NEGR1: variants seen among roughly 807,000 people sequenced by gnomAD.
The protein encoded by NEGR1 is IgLON family member 4.
A neutral mutation model predicts 40.9 loss-of-function variants in NEGR1; 10 were observed. That is an observed-to-expected ratio of 0.24 (90% CI 0.15 to 0.42). The LOEUF (loss-of-function observed/expected upper bound fraction) is 0.42. Among genes scored for constraint, NEGR1 ranks in the 10% least tolerant of loss-of-function variants. The pLI is 1.00. For missense variants in NEGR1, 352 were observed against 438.9 expected, an observed-to-expected ratio of 0.80 and a Z score of 1.77; for synonymous variants, 185 against 166.8, an observed-to-expected ratio of 1.11 and a Z score of -0.84.
chr1:71,654,879 C>A (rs1351383055), intron 4 of NEGR1, among the ~76,000 whole-genome samples: 4 of 151,928 alleles, frequency 2.6e-5, no homozygotes, highest in Non-Finnish European at 1.5e-5. Flanking sequence ...AATATTTTCC[C>A]ACTGAGAAAA....
At chr1:72,214,613 T>C (rs772712457) in intron 1 of NEGR1, among the ~76,000 whole-genome samples, 24 of 151,980 alleles carry the variant, frequency 1.6e-4, no homozygotes, top group Non-Finnish European at 2.1e-4. Flanking sequence ...CCATTCACAA[T>C]TGCTACAAAG....
At chr1:71,460,120 G>A (rs1192744053) in intron 6 of NEGR1, among the ~76,000 whole-genome samples, 2 of 152,146 alleles carry the variant, frequency 1.3e-5, no homozygotes, top group Non-Finnish European at 2.9e-5. Context: ...GATAACTAAT[G>A]TTAGTTGAAT....
intron 1 of NEGR1, among the ~76,000 whole-genome samples, chr1:72,017,934 T>C (rs1009363842): frequency 1.3e-5 from 2 of 152,142 alleles, no homozygotes; most frequent in Non-Finnish European, 2.9e-5. Flanking sequence ...TCCAAAATTA[T>C]ACTCATCTAG....
chr1:71,797,922 A>C (rs1202909120), intron 2 of NEGR1, among the ~76,000 whole-genome samples: 1 of 151,700 alleles, frequency 6.6e-6, no homozygotes, highest in Non-Finnish European at 1.5e-5. Flanking sequence ...AACCTGCATC[A>C]CTATAGTATC....
At chr1:72,233,954 C>A (rs1654464018) in intron 1 of NEGR1, among the ~76,000 whole-genome samples, 1 of 152,066 alleles carries the variant, frequency 6.6e-6, no homozygotes, top group African/African-American at 2.4e-5. Flanking sequence ...ACAGCTTCCC[C>A]AAAAGCTGTT....
intron 3 of NEGR1, among the ~76,000 whole-genome samples, chr1:71,700,360 C>G (rs1053661625): frequency 6.6e-6 from 1 of 151,976 alleles, no homozygotes; most frequent in African/African-American, 2.4e-5. Flanking sequence ...ATACAACTGA[C>G]AGACTACATT....
At chr1:71,763,880 A>C (rs1656033027) in intron 3 of NEGR1, among the ~76,000 whole-genome samples, 1 of 152,164 alleles carries the variant, frequency 6.6e-6, no homozygotes, top group Non-Finnish European at 1.5e-5. Flanking sequence ...TTTAATATCT[A>C]GTTCCTAGAA....
chr1:71,555,010 G>A (rs1517751), intron 6 of NEGR1, among the ~76,000 whole-genome samples: 3 of 151,458 alleles, frequency 2.0e-5, no homozygotes, highest in African/African-American at 7.3e-5. Context: ...TCATTAAAAG[G>A]AATCTATTTT....
At chr1:72,086,853 A>G (rs2100537199) in intron 1 of NEGR1, among the ~76,000 whole-genome samples, 1 of 152,290 alleles carries the variant, frequency 6.6e-6, no homozygotes, top group African/African-American at 2.4e-5. Context: ...AAATATTTAA[A>G]CTTTTATTTC....
At chr1:71,923,215 T>C (rs1645736975) in intron 2 of NEGR1, among the ~76,000 whole-genome samples, 1 of 152,142 alleles carries the variant, frequency 6.6e-6, no homozygotes, top group African/African-American at 2.4e-5. Flanking sequence ...ATTTGAAAAT[T>C]AAAGCATTTG....
intron 6 of NEGR1, among the ~76,000 whole-genome samples, chr1:71,544,821 C>A (rs1049154997): frequency 4.6e-5 from 7 of 151,482 alleles, no homozygotes; most frequent in Admixed American, 3.3e-4. Flanking sequence ...CACAGCAGGT[C>A]CAGTGGAAAG....
chr1:72,074,479 A>C (rs1310135440), intron 1 of NEGR1, among the ~76,000 whole-genome samples: 1 of 152,028 alleles, frequency 6.6e-6, no homozygotes, highest in Non-Finnish European at 1.5e-5. Flanking sequence ...CTGCTGTTCC[A>C]GGTTTTATCG....
chr1:71,684,979 T>G (rs1570202577), intron 4 of NEGR1, among the ~76,000 whole-genome samples: 1 of 152,342 alleles, frequency 6.6e-6, no homozygotes, highest in Admixed American at 6.5e-5. Flanking sequence ...AAGGTATTTT[T>G]TCTTCATTTT....
intron 1 of NEGR1, among the ~76,000 whole-genome samples, chr1:72,080,075 T>TC (rs1348517704): frequency 6.6e-6 from 1 of 152,068 alleles, no homozygotes; most frequent in Non-Finnish European, 1.5e-5. Context: ...TAAAAGGGCT[T>TC]CCTTTTTTTG....
intron 2 of NEGR1, among the ~76,000 whole-genome samples, chr1:71,838,689 T>C (rs980265867): frequency 1.3e-5 from 2 of 152,106 alleles, no homozygotes; most frequent in African/African-American, 4.8e-5. Context: ...ATAAATGATA[T>C]GCAGTTGGTT....
At chr1:72,170,749 T>C (rs1446070939) in intron 1 of NEGR1, among the ~76,000 whole-genome samples, 1 of 152,202 alleles carries the variant, frequency 6.6e-6, no homozygotes, top group African/African-American at 2.4e-5. Context: ...CTGTGGTCCT[T>C]GTTTTTGTAT....
intron 1 of NEGR1, among the ~76,000 whole-genome samples, chr1:71,996,600 T>G (rs1275239793): frequency 1.3e-5 from 2 of 152,116 alleles, no homozygotes; most frequent in Non-Finnish European, 2.9e-5. Context: ...TTCAGGGAGC[T>G]CTCTTCGCTG....
In NEGR1 at chr1:71,919,034, A is replaced by T. The variant is rs183309366; in HGVS notation, c.409+16045T>A. On this transcript the variant is annotated intron_variant, in intron 2 of 6. Coordinates refer to ENST00000357731, the MANE Select transcript of NEGR1 (RefSeq NM_173808.3). ...CAAAAATATAAATAGATGCATTATT[A>T]TTTTAAAATTACAGTGCTCACATTC... 1.3e-4 allele frequency among the ~76,000 whole-genome samples: 20 copies of T among 152,318 alleles called. No individual in the cohort carries two copies. In the East Asian group the frequency reaches 3.7e-3, roughly 28 times the overall value.
At chr1:71,685,555 T>C (rs1256366657) in intron 4 of NEGR1, among the ~76,000 whole-genome samples, 2 of 152,054 alleles carry the variant, frequency 1.3e-5, no homozygotes, top group Non-Finnish European at 2.9e-5. Flanking sequence ...CTCCTGACTT[T>C]GTTCTCTGTC....
Sources: gnomAD v4.1 joint callset for allele counts (sites outside exome capture counted in the v4.1 genomes callset) on GRCh38, gnomAD v4.1.1 for gene constraint, MANE v1.5 for transcripts, NCBI Gene and HGNC (gene_info 2026-07-23, HGNC 2026-07-21) for gene names.